PAX5: variants seen among roughly 807,000 people sequenced by gnomAD.
The protein encoded by PAX5 is paired box 5.
A neutral mutation model predicts 43.7 loss-of-function variants in PAX5; 9 were observed. The observed-to-expected ratio is 0.21, with a 90% CI of 0.12 to 0.36. The LOEUF (loss-of-function observed/expected upper bound fraction) is 0.36, where lower values mean the gene tolerates loss of function less well. PAX5 is among the 10% of genes least tolerant of loss of function. PAX5 has a pLI of 1.00. For synonymous variants in PAX5, 228 were observed against 214.3 expected (o/e 1.06, Z -0.56); for missense variants, 383 against 532.7 (o/e 0.72, Z 2.77).
At chr9:36,981,913 C>T (rs1040060596) in intron 5 of PAX5, among the ~76,000 whole-genome samples, 1 of 152,210 alleles carries the variant, frequency 6.6e-6, no homozygotes, top group African/African-American at 2.4e-5. Flanking sequence ...TGAGCACCTC[C>T]TAAGAGTCAA....
Position 36,860,034 on chromosome 9 carries a change from C to CAA in PAX5, c.1013-13107_1013-13106dup, listed in dbSNP as rs36070204. ...TGGGTGACAGAGTGAGGCTCTGTCT[C>CAA]AAAAAAAAAAAAATCATCTGGGGGC... is the stretch of plus-strand genomic sequence containing the variant. On this transcript the variant is annotated intron_variant, in intron 8 of 9. Transcript: ENST00000358127. 3.4e-3 allele frequency among the ~76,000 whole-genome samples: 446 copies of CAA among 130,036 alleles called. 1 individual carries two copies. The highest frequency in any genetic ancestry group is 0.017 in the Middle Eastern group (4 of 236). The allele number at this position is 130,036 out of a possible 152,430, so 85.3% of individuals were successfully genotyped here.
chr9:36,841,497 G>A (rs930199046), intron 9 of PAX5, among the ~76,000 whole-genome samples: 2 of 152,148 alleles, frequency 1.3e-5, no homozygotes, highest in African/African-American at 4.8e-5. Flanking sequence ...CCCCTGCCCT[G>A]AGCTCACACT....
chr9:36,908,280 C>T (rs918691117), intron 7 of PAX5, among the ~76,000 whole-genome samples: 1 of 151,530 alleles, frequency 6.6e-6, no homozygotes, highest in Non-Finnish European at 1.5e-5. Flanking sequence ...TGGATGGCTT[C>T]CCTGGAGCAG....
At chr9:37,010,945 A>C (rs1838874030) in intron 3 of PAX5, among the ~76,000 whole-genome samples, 1 of 151,928 alleles carries the variant, frequency 6.6e-6, no homozygotes, top group Middle Eastern at 3.4e-3. Context: ...ACACGATGAA[A>C]CCCTATCTCT....
intron 6 of PAX5, among the ~76,000 whole-genome samples, chr9:36,955,457 G>A (rs1240719048): frequency 6.6e-6 from 1 of 151,974 alleles, no homozygotes; most frequent in Non-Finnish European, 1.5e-5. Flanking sequence ...TGAGTCCCAT[G>A]TAGAATCAAG....
chr9:37,027,868 G>A (rs1840581327), intron 1 of PAX5, among the ~76,000 whole-genome samples: 1 of 152,274 alleles, frequency 6.6e-6, no homozygotes, highest in African/African-American at 2.4e-5. Flanking sequence ...GCGGACACCT[G>A]GGCAATGGGA....
chr9:36,923,435 A>C lies in PAX5; in HGVS notation c.830T>G (p.Met277Arg). The C allele has an allele frequency of 6.2e-7, 1 of 1,612,814 alleles. No individual in the cohort carries two copies. The highest frequency in any genetic ancestry group is 1.1e-5 in the South Asian group (1 of 91,068). ...GGTGGGGCTGGCCAGATTGGCCTTC[A>C]TGTCGTCCAGCCCACCAGCCAGCGA... ...MASLAGGLDD[M>R]KANLASPTPA... The change falls in exon 7 of 10, where the codon ATG (methionine) becomes AGG (arginine). Residue 277 changes from methionine to arginine, a missense_variant. Coordinates refer to ENST00000358127, the MANE Select transcript of PAX5 (RefSeq NM_016734.3).
At position 36,966,612 on chromosome 9, in the gene PAX5, G is replaced by A. The variant is rs774702142; in HGVS notation, c.717C>T (p.Arg239=). ...FTQQQLEVLD[R]VFERQHYSDI... ...CTGAGTAGTGCTGCCTCTCAAACAC[G>A]CGGTCCAGCACCTCCAGCTGCTGCT... Residue 239 remains arginine (R), a synonymous_variant, in exon 6 of 10, where the codon CGC becomes CGT. Transcript: ENST00000358127. The A allele has an allele frequency of 4.4e-5, 71 of 1,614,048 alleles. No individual in the cohort carries two copies. The highest frequency in any genetic ancestry group is 3.3e-4 in the Middle Eastern group (2 of 6,084).
At chr9:36,881,970 G>A (rs2131761425) in intron 8 of PAX5, 34 bp downstream of exon 8, 1 of 1,527,026 alleles carries the variant, frequency 6.5e-7, no homozygotes. Context: ...CCCGTCCGCT[G>A]CCTGCTGTGG....
intron 5 of PAX5, among the ~76,000 whole-genome samples, chr9:37,001,708 C>T (rs1273764624): frequency 1.3e-5 from 2 of 151,344 alleles, no homozygotes; most frequent in Admixed American, 6.6e-5. Flanking sequence ...TGAGAACACA[C>T]ATCCCTTACA....
intron 8 of PAX5, among the ~76,000 whole-genome samples, chr9:36,864,661 G>A (rs557749912): frequency 1.2e-4 from 18 of 152,308 alleles, no homozygotes; most frequent in South Asian, 4.1e-4. Context: ...TCAGCCCACC[G>A]GCCTGCCTGC....
intron 8 of PAX5, among the ~76,000 whole-genome samples, chr9:36,865,311 T>C (rs1448087067): frequency 6.6e-6 from 1 of 152,184 alleles, no homozygotes; most frequent in Non-Finnish European, 1.5e-5. Flanking sequence ...TGTCCCCCAG[T>C]AGTCTCTGCC....
intron 8 of PAX5, among the ~76,000 whole-genome samples, chr9:36,878,792 G>T (rs1346276812): frequency 1.3e-5 from 2 of 152,244 alleles, no homozygotes; most frequent in African/African-American, 4.8e-5. Context: ...TTGGAAACAA[G>T]AGTCCCAAAG....
At chr9:36,981,768 C>T (rs1835965386) in intron 5 of PAX5, among the ~76,000 whole-genome samples, 1 of 152,246 alleles carries the variant, frequency 6.6e-6, no homozygotes. Context: ...CTGGCTCTGC[C>T]ACTTGCCAGC....
Position 36,920,617 on chromosome 9 carries a change from T to C in PAX5, c.910+2738A>G, listed in dbSNP as rs145206744. 5.4e-4 allele frequency among the ~76,000 whole-genome samples: 82 copies of C among 152,254 alleles called. No individual in the cohort carries two copies. In the East Asian group the frequency reaches 0.014, roughly 27 times the overall value. On this transcript the variant is annotated intron_variant, in intron 7 of 9. Coordinates refer to ENST00000358127, the MANE Select transcript of PAX5 (RefSeq NM_016734.3). ...TATCCAAAATGCGTGGGACCAGAAG[T>C]GTTTCAGATTTTGGATCGCTTTGGA...
intron 1 of PAX5, chr9:37,026,467 A>C: frequency 7.9e-7 from 1 of 1,264,506 alleles, no homozygotes; most frequent in East Asian, 4.2e-5. Context: ...TACCTGACCC[A>C]CGGTCCGGCA....
At chr9:36,915,248 C>T (rs1266060102) in intron 7 of PAX5, among the ~76,000 whole-genome samples, 1 of 152,094 alleles carries the variant, frequency 6.6e-6, no homozygotes, top group Admixed American at 6.6e-5. Flanking sequence ...CATTCCAGTA[C>T]GTGTAGCTCT....
At chr9:36,970,673 C>T (rs764164643) in intron 5 of PAX5, among the ~76,000 whole-genome samples, 5 of 152,098 alleles carry the variant, frequency 3.3e-5, no homozygotes, top group African/African-American at 7.2e-5. Context: ...CCTGTTCAGC[C>T]GCAGGTGATT....
rs2131564949 is a variant in PAX5, at chr9:36,840,462, G to A, written c.*98C>T. 2 of 1,178,178 alleles carry A rather than the reference G, an allele frequency of 1.7e-6. No individual in the cohort carries two copies. The highest frequency in any genetic ancestry group is 2.5e-5 in the East Asian group (1 of 39,266). 73.0% of individuals were successfully genotyped at this position (1,178,178 alleles called of 1,614,324 possible). ...TTCAGGCAAGTGGGGGATGCTGGGG[G>A]ACGGTCTCATGGGCTCTCTGGCTAT... On this transcript the variant is annotated 3_prime_UTR_variant, in exon 10 of 10. Transcript: ENST00000358127.
Sources: allele counts gnomAD v4.1 joint callset (sites outside exome capture counted in the v4.1 genomes callset), GRCh38; gene constraint gnomAD v4.1.1; transcripts MANE v1.5; gene names NCBI Gene and HGNC (gene_info 2026-07-23, HGNC 2026-07-21).